Variants in LIMA1 observed in about 807,000 individuals in gnomAD.
LIMA1 encodes LIM domain and actin-binding protein 1.
A neutral mutation model predicts 62.6 loss-of-function variants in LIMA1; 52 were observed. The observed-to-expected ratio is 0.83, with a 90% CI of 0.67 to 1.05. The LOEUF (loss-of-function observed/expected upper bound fraction) is 1.05. Ranked by LOEUF, LIMA1 falls within the 50% of genes least tolerant of loss-of-function variation. The pLI, the probability that LIMA1 is intolerant of heterozygous loss-of-function variation, is 0.00. For missense variants in LIMA1, 780 were observed against 902.2 expected (o/e 0.86, Z 1.74); for synonymous variants, 302 against 317.8 (o/e 0.95, Z 0.53).
At chr12:50,185,693 T>C (rs1023064429) in intron 9 of LIMA1, 3 of 345,564 alleles carry the variant, frequency 8.7e-6, no homozygotes, top group African/African-American at 4.3e-5. Context: ...ACACAAGGAG[T>C]GTCTCATTAA....
chr12:50,260,989 A>G (rs1253379543), intron 1 of LIMA1, among the ~76,000 whole-genome samples: 4 of 126,944 alleles, frequency 3.2e-5, no homozygotes, highest in African/African-American at 1.2e-4. Flanking sequence ...AGTAAATGCT[A>G]TTTTACCCCT....
chr12:50,247,412 T>C (rs1592552848), intron 2 of LIMA1, among the ~76,000 whole-genome samples: 1 of 151,858 alleles, frequency 6.6e-6, no homozygotes, highest in East Asian at 1.9e-4. Flanking sequence ...AACAGCCACA[T>C]GGAATGGCCA....
chr12:50,276,091 A>T (rs1942273041), intron 1 of LIMA1, among the ~76,000 whole-genome samples: 1 of 151,720 alleles, frequency 6.6e-6, no homozygotes, highest in African/African-American at 2.4e-5. Flanking sequence ...TTTTTATGAC[A>T]ACTCTGATAA....
chr12:50,212,744 A>C (rs1442164798), intron 4 of LIMA1, among the ~76,000 whole-genome samples: 1 of 152,238 alleles, frequency 6.6e-6, no homozygotes, highest in Non-Finnish European at 1.5e-5. Context: ...AGCTGAAAAT[A>C]TATAAGAATA....
chr12:50,211,793 A>ACACAC (rs1941261691), intron 4 of LIMA1, among the ~76,000 whole-genome samples: 2 of 150,680 alleles, frequency 1.3e-5, no homozygotes, highest in Admixed American at 1.3e-4. Context: ...AGGAACACAA[A>ACACAC]ACACACACAC....
chr12:50,204,350 A>C, intron 6 of LIMA1: 1 of 488,260 alleles, frequency 2.0e-6, no homozygotes, highest in Non-Finnish European at 3.5e-6. Flanking sequence ...TGGGGTGGGA[A>C]CCAGGACTAA....
At chr12:50,252,692 G>T (rs1313593824) in intron 1 of LIMA1, among the ~76,000 whole-genome samples, 1 of 151,448 alleles carries the variant, frequency 6.6e-6, no homozygotes, top group Non-Finnish European at 1.5e-5. Context: ...TGAGTGATCA[G>T]AGATTAGGTC....
At chr12:50,187,956 A>G (rs886756311) in intron 9 of LIMA1, 1 of 152,162 alleles carries the variant, frequency 6.6e-6, no homozygotes, top group Admixed American at 6.5e-5. Flanking sequence ...CTTGAAGTAG[A>G]AAGGCCTGAT....
At chr12:50,266,941 C>G (rs1237764175) in intron 1 of LIMA1, among the ~76,000 whole-genome samples, 2 of 152,144 alleles carry the variant, frequency 1.3e-5, no homozygotes, top group Non-Finnish European at 2.9e-5. Context: ...GTCACCCAGG[C>G]TGGAGTGCAG....
chr12:50,199,756 G>A (rs1941005511), intron 7 of LIMA1, among the ~76,000 whole-genome samples: 1 of 152,138 alleles, frequency 6.6e-6, no homozygotes, highest in Non-Finnish European at 1.5e-5. Context: ...TGCACAAAAT[G>A]TGTTAAATGT....
At chr12:50,233,437 G>C (rs187534202) in intron 2 of LIMA1, among the ~76,000 whole-genome samples, 10 of 152,302 alleles carry the variant, frequency 6.6e-5, no homozygotes, top group South Asian at 2.1e-4. Flanking sequence ...ATGGTTGAGA[G>C]ATAGTCACAT....
intron 9 of LIMA1, 82 bp from the exon 10 acceptor site, chr12:50,182,119 T>C: frequency 6.7e-7 from 1 of 1,489,768 alleles, no homozygotes; most frequent in South Asian, 1.2e-5. Flanking sequence ...ATTTACTTTG[T>C]CTAAGGGCTC....
Position 50,195,813 on chromosome 12 carries a change from T to A in LIMA1, c.1030+17A>T, listed in dbSNP as rs1311000720. 6.3e-7 allele frequency: 1 copy of A among 1,578,026 alleles called. No homozygotes were observed. Among genetic ancestry groups the A allele is most frequent in the Non-Finnish European group, 8.5e-7 (1 of 1,171,566 alleles). ...AAACAAGAACCTCATCCTCCAGATC[T>A]AAGAAAGAATGCTTACGGGAGTCAT... is the stretch of plus-strand genomic sequence containing the variant. On this transcript the variant is annotated intron_variant, in intron 8 of 10. Coordinates refer to ENST00000341247, the MANE Select transcript of LIMA1 (RefSeq NM_016357.5).
chr12:50,274,204 C>T (rs1051439110), intron 1 of LIMA1, among the ~76,000 whole-genome samples: 14 of 152,194 alleles, frequency 9.2e-5, no homozygotes, highest in African/African-American at 3.4e-4. Flanking sequence ...AGTCCATCTT[C>T]AAGGCTTATT....
chr12:50,176,911 TTTTTGA>T lies in LIMA1; in HGVS notation c.*147_*152del, dbSNP rs1940349010. 1 of 630,908 alleles carries T rather than the reference TTTTTGA, an allele frequency of 1.6e-6. No individual in the cohort carries two copies. Among genetic ancestry groups the T allele is most frequent in the South Asian group, 3.3e-5 (1 of 30,096 alleles). The allele number at this position is 630,908 out of a possible 1,614,324, so 39.1% of individuals were successfully genotyped here. A position where few individuals can be genotyped will look rare whatever the true frequency, so the allele number is the denominator to read the frequency against. On this transcript the variant is annotated 3_prime_UTR_variant, in exon 11 of 11. Transcript: ENST00000341247. The stretch of plus-strand genomic sequence containing the variant: ...GTGTTTTTTGTGTTTTTTTGTTTTG[TTTTTGA>T]TTTTAAGAAGGAATTCTTTTCCAAA...
intron 1 of LIMA1, among the ~76,000 whole-genome samples, chr12:50,258,639 C>CTTTT (rs34324226): frequency 2.3e-3 from 152 of 67,410 alleles, no homozygotes; most frequent in African/African-American, 3.3e-3. Flanking sequence ...TCTACCTATA[C>CTTTT]TTTTTTTTTT....
intron 1 of LIMA1, among the ~76,000 whole-genome samples, chr12:50,258,439 C>T (rs1015178994): frequency 2.0e-5 from 3 of 151,798 alleles, no homozygotes; most frequent in Non-Finnish European, 4.4e-5. Context: ...TGGGACTAGA[C>T]ACATGCCACC....
At chr12:50,255,526 T>G (rs1219531001) in intron 1 of LIMA1, among the ~76,000 whole-genome samples, 1 of 129,378 alleles carries the variant, frequency 7.7e-6, no homozygotes, top group Non-Finnish European at 1.5e-5. Flanking sequence ...GTACTCAACC[T>G]GGACTATAGA....
At chr12:50,210,838 C>T (rs1941243442) in intron 4 of LIMA1, among the ~76,000 whole-genome samples, 1 of 152,142 alleles carries the variant, frequency 6.6e-6, no homozygotes, top group African/African-American at 2.4e-5. Flanking sequence ...TAAAAAAGTA[C>T]ATGAACAAAG....
Sources: gnomAD v4.1 joint callset for allele counts (sites outside exome capture counted in the v4.1 genomes callset) on GRCh38, gnomAD v4.1.1 for gene constraint, MANE v1.5 for transcripts, NCBI Gene and HGNC (gene_info 2026-07-23, HGNC 2026-07-21) for gene names.